The following CTNNA3 variants were observed in gnomAD, a reference collection of about 807,000 sequenced individuals.
CTNNA3 encodes catenin alpha 3.
Under a neutral mutation model 95.7 loss-of-function variants are expected in CTNNA3, and 76 were observed. That is an observed-to-expected ratio of 0.79 (90% CI 0.66 to 0.96). The LOEUF is 0.96. Among genes scored for constraint, CTNNA3 ranks in the 40% least tolerant of loss-of-function variants. CTNNA3 has a pLI of 0.00. For missense variants in CTNNA3, 1,191 were observed against 1,089.8 expected (o/e 1.09, Z -1.31); for synonymous variants, 431 against 374.4 (o/e 1.15, Z -1.74).
intron 7 of CTNNA3, among the ~76,000 whole-genome samples, chr10:66,845,644 G>T (rs563512109): frequency 7.4e-6 from 1 of 134,880 alleles, no homozygotes; most frequent in Admixed American, 8.3e-5. Context: ...GAGAGGTTGC[G>T]GTGAGCCGAG....
intron 13 of CTNNA3, among the ~76,000 whole-genome samples, chr10:66,242,918 C>T (rs1260138480): frequency 6.6e-6 from 1 of 152,152 alleles, no homozygotes; most frequent in Non-Finnish European, 1.5e-5. Context: ...ATTCTTGAGG[C>T]ATGTTAATAC....
intron 7 of CTNNA3, among the ~76,000 whole-genome samples, chr10:67,100,401 A>C (rs1858273603): frequency 6.6e-6 from 1 of 151,710 alleles, no homozygotes; most frequent in Non-Finnish European, 1.5e-5. Context: ...ATTTTTGCTT[A>C]ATTTTTATTT....
intron 7 of CTNNA3, among the ~76,000 whole-genome samples, chr10:67,157,336 CAT>C (rs753937404): frequency 7.2e-5 from 11 of 152,050 alleles, no homozygotes; most frequent in South Asian, 2.1e-4. Flanking sequence ...CATGTGCAAA[CAT>C]GTGTAATTAC....
At chr10:66,376,002 T>A (rs1312641235) in intron 12 of CTNNA3, among the ~76,000 whole-genome samples, 1 of 152,148 alleles carries the variant, frequency 6.6e-6, no homozygotes, top group East Asian at 1.9e-4. Flanking sequence ...CAGATTCATT[T>A]ATGTACCTGT....
At chr10:66,268,300 T>A (rs966003215) in intron 13 of CTNNA3, among the ~76,000 whole-genome samples, 1 of 152,136 alleles carries the variant, frequency 6.6e-6, no homozygotes, top group African/African-American at 2.4e-5. Flanking sequence ...TAACCAAGAC[T>A]ATGACAGAAG....
intron 11 of CTNNA3, among the ~76,000 whole-genome samples, chr10:66,510,898 GC>G (rs1192050086): frequency 6.6e-6 from 1 of 151,674 alleles, no homozygotes; most frequent in Admixed American, 6.6e-5. Flanking sequence ...GGTAATGCTA[GC>G]TTCACAGAAT....
Position 66,695,919 on chromosome 10 carries a change from G to C in CTNNA3, c.1281+70345C>G, listed in dbSNP as rs553768215. 2.2e-3 allele frequency among the ~76,000 whole-genome samples: 315 copies of C among 142,228 alleles called. 1 individual carries two copies. The highest frequency in any genetic ancestry group is 7.7e-3 in the African/African-American group (300 of 39,026). 93.3% of individuals were successfully genotyped at this position (142,228 alleles called of 152,430 possible). A position where few individuals can be genotyped will look rare whatever the true frequency, so the allele number is the denominator to read the frequency against. ...AAAATTGGGTGAAAGAGACGTAAGGGGGGGGGGCAATAAAAATGTATTTTT... is the reference window on the plus strand; with the variant it reads ...AAAATTGGGTGAAAGAGACGTAAGGCGGGGGGGCAATAAAAATGTATTTTT... On this transcript the variant is annotated intron_variant, in intron 9 of 17. Transcript: ENST00000433211.
At chr10:66,558,952 T>C (rs912260458) in intron 10 of CTNNA3, among the ~76,000 whole-genome samples, 5 of 152,040 alleles carry the variant, frequency 3.3e-5, no homozygotes, top group African/African-American at 1.2e-4. Flanking sequence ...GAAAAGTCAC[T>C]AAAAAACAAC....
intron 7 of CTNNA3, among the ~76,000 whole-genome samples, chr10:66,892,382 G>A (rs1020924327): frequency 1.3e-5 from 2 of 151,870 alleles, no homozygotes; most frequent in African/African-American, 4.8e-5. Flanking sequence ...TTTCCCTCCC[G>A]GAAAACCAAT....
rs772272609 is a variant in CTNNA3 at position 67,566,043 on chromosome 10, G to GTATATA, written c.293-26380_293-26375dup. 7.9e-3 allele frequency among the ~76,000 whole-genome samples: 212 copies of GTATATA among 26,950 alleles called. 25 individuals carry two copies. The highest frequency in any genetic ancestry group is 0.024 in the African/African-American group (146 of 6,052). The allele number at this position is 26,950 out of a possible 152,430, so 17.7% of individuals were successfully genotyped here. A position where few individuals can be genotyped will look rare whatever the true frequency, so the allele number is the denominator to read the frequency against. On this transcript the variant is annotated intron_variant, in intron 3 of 17. Transcript: ENST00000433211. ...CACACACACACACATATGTGTGTGT[G>GTATATA]TATATATATATATATATATATATAT...
intron 5 of CTNNA3, among the ~76,000 whole-genome samples, chr10:67,291,171 C>A (rs1344663885): frequency 6.6e-6 from 1 of 152,092 alleles, no homozygotes; most frequent in Non-Finnish European, 1.5e-5. Flanking sequence ...CATTAAATAG[C>A]TGTAAGGAGA....
intron 10 of CTNNA3, among the ~76,000 whole-genome samples, chr10:66,543,175 C>T (rs115464178): frequency 6.6e-6 from 1 of 152,052 alleles, no homozygotes; most frequent in Non-Finnish European, 1.5e-5. Context: ...TGCAATCAAT[C>T]CCTGCCTCCC....
At chr10:67,561,858 C>T (rs1177365462) in intron 3 of CTNNA3, among the ~76,000 whole-genome samples, 2 of 152,142 alleles carry the variant, frequency 1.3e-5, no homozygotes, top group African/African-American at 2.4e-5. Flanking sequence ...ATACTATAAA[C>T]ACTTCTACAC....
chr10:66,633,007 C>T lies in CTNNA3; in HGVS notation c.1282-11223G>A, dbSNP rs182656197. Among the ~76,000 whole-genome samples the T allele has an allele frequency of 1.1e-3, 169 of 152,186 alleles. 1 individual carries two copies. Among genetic ancestry groups the T allele is most frequent in the African/African-American group, 4.0e-3 (166 of 41,544 alleles). On this transcript the variant is annotated intron_variant, in intron 9 of 17. Transcript: ENST00000433211. ...CAAGAAAATCACGGTTTTTGCTCAT[C>T]AGATCAGAAATATGTAAAAAGTTTT...
At chr10:66,259,386 G>A (rs2132094912) in intron 13 of CTNNA3, among the ~76,000 whole-genome samples, 1 of 152,218 alleles carries the variant, frequency 6.6e-6, no homozygotes. Flanking sequence ...ATAGGCAGCA[G>A]GTAGACATGA....
intron 1 of CTNNA3, among the ~76,000 whole-genome samples, chr10:67,721,626 T>C (rs1274156115): frequency 6.6e-6 from 1 of 152,154 alleles, no homozygotes; most frequent in African/African-American, 2.4e-5. Flanking sequence ...TTGAAGGAGT[T>C]TGCTATTACC....
intron 17 of CTNNA3, among the ~76,000 whole-genome samples, chr10:65,935,099 A>G (rs2077314635): frequency 6.6e-6 from 1 of 152,192 alleles, no homozygotes; most frequent in Admixed American, 6.6e-5. Context: ...TCCTGTTCAT[A>G]TAACATGATA....
At chr10:67,127,993 A>G (rs1859804133) in intron 7 of CTNNA3, among the ~76,000 whole-genome samples, 1 of 152,106 alleles carries the variant, frequency 6.6e-6, no homozygotes, top group African/African-American at 2.4e-5. Context: ...TTTTCCTCAC[A>G]TGTCCTCAAC....
intron 1 of CTNNA3, among the ~76,000 whole-genome samples, chr10:67,747,841 C>G (rs552058551): frequency 1.3e-5 from 2 of 152,040 alleles, no homozygotes; most frequent in African/African-American, 2.4e-5. Context: ...CCTAACCTAA[C>G]GCAAAGAAGC....
Sources: allele counts gnomAD v4.1 joint callset (sites outside exome capture counted in the v4.1 genomes callset), GRCh38; gene constraint gnomAD v4.1.1; transcripts MANE v1.5; gene names NCBI Gene and HGNC (gene_info 2026-07-23, HGNC 2026-07-21).